The following TENT2 variants were observed in gnomAD, a reference collection of about 807,000 sequenced individuals.
TENT2 encodes terminal nucleotidyltransferase 2.
TENT2 carries 44 observed loss-of-function variants against 72.2 expected under a neutral mutation model. The observed-to-expected ratio is 0.61, with a 90% CI of 0.48 to 0.78. The LOEUF (loss-of-function observed/expected upper bound fraction) is 0.78, where lower values mean the gene tolerates loss of function less well. Among genes scored for constraint, TENT2 ranks in the 30% least tolerant of loss-of-function variants. The probability of loss-of-function intolerance (pLI) is 0.00; values close to 1 mark genes in which losing one functional copy is unlikely to be tolerated. For synonymous variants in TENT2, 212 were observed against 192.5 expected (o/e 1.10, Z -0.84); for missense variants, 541 against 569.6 (o/e 0.95, Z 0.51).
intron 11 of TENT2, among the ~76,000 whole-genome samples, chr5:79,664,990 T>A (rs1806259829): frequency 1.3e-5 from 2 of 152,318 alleles, no homozygotes; most frequent in Middle Eastern, 3.4e-3. Flanking sequence ...TGTTATATAC[T>A]TACCTTGATC....
Position 79,680,268 on chromosome 5 carries a change from A to G in TENT2, c.1300+598A>G, listed in dbSNP as rs191525909. 4.6e-5 allele frequency among the ~76,000 whole-genome samples: 7 copies of G among 152,290 alleles called. No individual in the cohort carries two copies. In the East Asian group the frequency reaches 1.4e-3, roughly 29 times the overall value. Reference sequence around the variant, plus strand: ...AATCAGCATTTGTAGAAAACATCAGATTTTGGATGTTTTAATCTTGAATTA... The same window carrying G: ...AATCAGCATTTGTAGAAAACATCAGGTTTTGGATGTTTTAATCTTGAATTA... On this transcript the variant is annotated intron_variant, in intron 13 of 14. Transcript: ENST00000453514.
chr5:79,667,554 A>G (rs908385661), intron 11 of TENT2, among the ~76,000 whole-genome samples: 1 of 152,088 alleles, frequency 6.6e-6, no homozygotes, highest in Non-Finnish European at 1.5e-5. Context: ...TGTAATTAAT[A>G]CTACAGCTGT....
intron 8 of TENT2, 21 bp from the exon 9 acceptor site, chr5:79,648,596 T>A (rs1206671039): frequency 6.2e-6 from 9 of 1,461,656 alleles, no homozygotes; most frequent in Non-Finnish European, 8.4e-6. Context: ...TTTATTTATT[T>A]ATTTATTTTT....
chr5:79,623,288 T>C lies in TENT2; in HGVS notation c.264T>C (p.Gly88=). ...LSDEKNLPLD[G]KRQRFHSPHQ... is the part of the protein sequence containing the mutation. ...ATGAAAAAAACCTTCCTCTTGACGG[T>C]AAACGGCAACGTTTCCATTCACCCC... Residue 88 remains glycine (G), a synonymous_variant, in exon 4 of 15, where the codon GGT becomes GGC. Coordinates refer to ENST00000453514, the MANE Select transcript of TENT2 (RefSeq NM_001114394.3). The C allele has an allele frequency of 6.2e-7, 1 of 1,613,392 alleles. No homozygotes were observed. The highest frequency in any genetic ancestry group is 1.1e-5 in the South Asian group (1 of 90,990).
chr5:79,642,702 T>G (rs1785403102), intron 6 of TENT2, 130 bp from the exon 7 acceptor site: 1 of 636,986 alleles, frequency 1.6e-6, no homozygotes, highest in African/African-American at 1.8e-5. Context: ...GAATATACTT[T>G]GAGTATATTG....
intron 11 of TENT2, among the ~76,000 whole-genome samples, chr5:79,667,757 G>T (rs1337060939): frequency 6.6e-6 from 1 of 151,946 alleles, no homozygotes; most frequent in Admixed American, 6.6e-5. Flanking sequence ...TATTTTGGGG[G>T]CACTAGCATT....
rs1796711925 is a variant in TENT2 at position 79,654,754 on chromosome 5, AC to A, written c.1028-2201del. On this transcript the variant is annotated intron_variant, in intron 10 of 14. Coordinates refer to ENST00000453514, the MANE Select transcript of TENT2 (RefSeq NM_001114394.3). The stretch of plus-strand genomic sequence containing the variant: ...ACTCCAGCCTGGGTGACAGAGCGAG[AC>A]CCTGTCTCAAAAAAAAAAATTAATA... 2.0e-5 allele frequency among the ~76,000 whole-genome samples: 3 copies of A among 148,330 alleles called. No individual in the cohort carries two copies. The South Asian group carries it at 6.3e-4, about 31-fold the overall frequency.
chr5:79,675,877 A>G (rs1561587172), intron 12 of TENT2, among the ~76,000 whole-genome samples: 1 of 152,052 alleles, frequency 6.6e-6, no homozygotes. Context: ...TGGGAAAGAA[A>G]CATCAGATTA....
At chr5:79,645,605 A>G (rs1788207770) in intron 8 of TENT2, among the ~76,000 whole-genome samples, 1 of 152,192 alleles carries the variant, frequency 6.6e-6, no homozygotes, top group African/African-American at 2.4e-5. Context: ...TATAATACCT[A>G]GAGTAATAGA....
chr5:79,681,215 A>G (rs1309292948), intron 13 of TENT2, among the ~76,000 whole-genome samples: 4 of 118,210 alleles, frequency 3.4e-5, no homozygotes, highest in Non-Finnish European at 6.3e-5. Context: ...GCTGGAGTGC[A>G]GTGGCGTGAT....
At chr5:79,668,784 T>G in intron 11 of TENT2, 108 bp from the exon 12 acceptor site, 1 of 1,332,382 alleles carries the variant, frequency 7.5e-7, no homozygotes, top group East Asian at 2.3e-5. Context: ...CCAAATAGAG[T>G]AAATTTCTTC....
chr5:79,661,830 G>T (rs1561552932), intron 11 of TENT2, among the ~76,000 whole-genome samples: 1 of 152,120 alleles, frequency 6.6e-6, no homozygotes, highest in South Asian at 2.1e-4. Context: ...TCTTCAAAAA[G>T]ATTTCTCTAT....
chr5:79,659,433 TGAG>T (rs1362617110), intron 11 of TENT2, among the ~76,000 whole-genome samples: 1 of 143,458 alleles, frequency 7.0e-6, no homozygotes, highest in East Asian at 2.1e-4. Context: ...CTCAGGAGGG[TGAG>T]GAGGAGAATT....
chr5:79,682,446 ATTTTTTTT>A (rs397961608), intron 14 of TENT2, among the ~76,000 whole-genome samples: 1 of 136,300 alleles, frequency 7.3e-6, no homozygotes, highest in Non-Finnish European at 1.6e-5. Flanking sequence ...CACCCAGCTA[ATTTTTTTT>A]TTTTTTTTTT....
At chr5:79,639,627 T>C (rs1782862622) in intron 4 of TENT2, among the ~76,000 whole-genome samples, 1 of 152,130 alleles carries the variant, frequency 6.6e-6, no homozygotes, top group African/African-American at 2.4e-5. Context: ...AATAACACCA[T>C]TTTTATGCTG....
chr5:79,671,573 A>AT (rs1812976866), intron 12 of TENT2, among the ~76,000 whole-genome samples: 3 of 151,458 alleles, frequency 2.0e-5, no homozygotes, highest in African/African-American at 4.8e-5. Flanking sequence ...CCTGGCTAAT[A>AT]TTTTTTTGTA....
intron 9 of TENT2, 70 bp downstream of exon 9, chr5:79,648,763 A>C (rs1346237156): frequency 1.7e-6 from 2 of 1,150,950 alleles, no homozygotes; most frequent in Non-Finnish European, 2.5e-6. Flanking sequence ...TGTTTGGCAT[A>C]AATAGTGACA....
At chr5:79,651,854 A>T (rs562170084) in intron 10 of TENT2, among the ~76,000 whole-genome samples, 1 of 151,988 alleles carries the variant, frequency 6.6e-6, no homozygotes, top group Non-Finnish European at 1.5e-5. Context: ...TTGGTAATCA[A>T]AGTTTTATGG....
At chr5:79,680,832 T>A (rs569941868) in intron 13 of TENT2, among the ~76,000 whole-genome samples, 3 of 152,174 alleles carry the variant, frequency 2.0e-5, no homozygotes, top group Non-Finnish European at 2.9e-5. Context: ...TTTCTAGTAA[T>A]GTTTACCTAC....
Sources: gnomAD v4.1 joint callset for allele counts (sites outside exome capture counted in the v4.1 genomes callset) on GRCh38, gnomAD v4.1.1 for gene constraint, MANE v1.5 for transcripts, NCBI Gene and HGNC (gene_info 2026-07-23, HGNC 2026-07-21) for gene names.